The following COLEC12 variants were observed in gnomAD, a reference collection of about 807,000 sequenced individuals.
The protein encoded by COLEC12 is collectin-12.
Under a neutral mutation model 71.1 loss-of-function variants are expected in COLEC12, and 33 were observed. The observed-to-expected ratio is 0.46, with a 90% CI of 0.35 to 0.62. The LOEUF is 0.62. Among genes scored for constraint, COLEC12 ranks in the 20% least tolerant of loss-of-function variants. The pLI is 0.00. For missense variants in COLEC12, 765 were observed against 916.1 expected, an observed-to-expected ratio of 0.84 and a Z score of 2.13; for synonymous variants, 350 against 353.0, an observed-to-expected ratio of 0.99 and a Z score of 0.10.
At chr18:342,465 G>A (rs1914278093) in intron 5 of COLEC12, among the ~76,000 whole-genome samples, 1 of 152,202 alleles carries the variant, frequency 6.6e-6, no homozygotes, top group Non-Finnish European at 1.5e-5. Context: ...CATCAAGTGC[G>A]AGTCAACAGG....
intron 2 of COLEC12, among the ~76,000 whole-genome samples, chr18:410,176 T>G (rs1474435957): frequency 1.3e-5 from 2 of 152,218 alleles, no homozygotes; most frequent in African/African-American, 4.8e-5. Flanking sequence ...TGCAGGTGGT[T>G]TGGTATCCTT....
At chr18:384,372 AGTCTAAT>A (rs1915298682) in intron 2 of COLEC12, among the ~76,000 whole-genome samples, 1 of 152,146 alleles carries the variant, frequency 6.6e-6, no homozygotes, top group South Asian at 2.1e-4. Flanking sequence ...GATAGAGAGG[AGTCTAAT>A]GTTTGACATA....
chr18:425,304 T>A (rs556466894), intron 2 of COLEC12, among the ~76,000 whole-genome samples: 145 of 152,304 alleles, frequency 9.5e-4, no homozygotes, highest in Non-Finnish European at 1.8e-3. Context: ...CACGGGGTCA[T>A]GCCCCCGACC....
chr18:356,015 C>T (rs1914621880), intron 3 of COLEC12, among the ~76,000 whole-genome samples: 1 of 152,116 alleles, frequency 6.6e-6, no homozygotes, highest in Non-Finnish European at 1.5e-5. Context: ...ACTAATCAGC[C>T]AACACACTCA....
At chr18:404,859 C>A (rs566008620) in intron 2 of COLEC12, among the ~76,000 whole-genome samples, 19 of 152,276 alleles carry the variant, frequency 1.2e-4, no homozygotes, top group African/African-American at 4.6e-4. Flanking sequence ...GCAAGACAAC[C>A]ATAAGGTCTG....
chr18:340,302 G>A (rs1469097456), intron 5 of COLEC12, among the ~76,000 whole-genome samples: 2 of 152,078 alleles, frequency 1.3e-5, no homozygotes, highest in Non-Finnish European at 2.9e-5. Flanking sequence ...GGATACCCAC[G>A]CGGCTGGTAA....
intron 2 of COLEC12, among the ~76,000 whole-genome samples, chr18:453,278 AG>A (rs1916798057): frequency 6.6e-6 from 1 of 152,218 alleles, no homozygotes; most frequent in Admixed American, 6.5e-5. Context: ...ACTCCTGGCC[AG>A]GTTGGGGATT....
intron 2 of COLEC12, among the ~76,000 whole-genome samples, chr18:459,391 A>C (rs1408934579): frequency 1.3e-5 from 2 of 152,210 alleles, no homozygotes; most frequent in African/African-American, 4.8e-5. Flanking sequence ...CCATCAGAAA[A>C]GTCTACTTTT....
Position 346,558 on chromosome 18 carries a change from T to C in COLEC12, c.1064A>G (p.His355Arg), listed in dbSNP as rs1369450914. 6.2e-7 allele frequency: 1 copy of C among 1,614,206 alleles called. No homozygotes were observed. Among genetic ancestry groups the C allele is most frequent in the Non-Finnish European group, 8.5e-7 (1 of 1,180,020 alleles). Residue 355 changes from histidine (H) to arginine (R), a missense_variant, in exon 5 of 10, where the codon CAC (histidine) becomes CGC (arginine). By Grantham distance (29) the His-to-Arg change is conservative. Transcript: ENST00000400256. This position sits in a 1 kb window ranked among gnomAD's most constrained non-coding sequence, Gnocchi z 4.0. ...NIISNISYTA[H>R]HLRTLTSNLN... is the part of the protein sequence containing the mutation. ...ATTGCTGGTCAGCGTCCGCAGGTGG[T>C]GGGCTGTGTAACTGATATTGCTAAT...
intron 2 of COLEC12, among the ~76,000 whole-genome samples, chr18:374,869 C>G (rs551360638): frequency 6.6e-6 from 1 of 152,148 alleles, no homozygotes; most frequent in African/African-American, 2.4e-5. Flanking sequence ...ATCATCAAGA[C>G]GATCCAGTGC....
chr18:469,662 T>C (rs1917154982), intron 2 of COLEC12, among the ~76,000 whole-genome samples: 1 of 152,216 alleles, frequency 6.6e-6, no homozygotes, highest in African/African-American at 2.4e-5. Flanking sequence ...CCTGGGCTAA[T>C]GGACTCCCCC....
chr18:483,017 A>G (rs1321868347), intron 1 of COLEC12, among the ~76,000 whole-genome samples: 1 of 152,236 alleles, frequency 6.6e-6, no homozygotes, highest in Non-Finnish European at 1.5e-5. Context: ...CTGAACCTTG[A>G]AATGTTATGG....
At chr18:358,273 G>A (rs1400205795) in intron 2 of COLEC12, among the ~76,000 whole-genome samples, 2 of 152,218 alleles carry the variant, frequency 1.3e-5, no homozygotes, top group Non-Finnish European at 2.9e-5. Context: ...ATGGACCAGA[G>A]TAGGGGTAGG....
chr18:440,941 G>A (rs566319567), intron 2 of COLEC12, among the ~76,000 whole-genome samples: 3 of 152,202 alleles, frequency 2.0e-5, no homozygotes, highest in Admixed American at 1.3e-4. Flanking sequence ...TCCCTACAGC[G>A]GGGCTTAGTT....
chr18:390,905 C>T (rs11081073), intron 2 of COLEC12, among the ~76,000 whole-genome samples: 26,240 of 151,946 alleles, frequency 0.17, 2,555 homozygotes, highest in South Asian at 0.29. Context: ...GGCACAGGGA[C>T]ACTCCTTGCC....
chr18:391,540 C>T (rs1915464468), intron 2 of COLEC12, among the ~76,000 whole-genome samples: 1 of 152,110 alleles, frequency 6.6e-6, no homozygotes, highest in African/African-American at 2.4e-5. Flanking sequence ...TACTGAGCAC[C>T]TATGGCTCTC....
At chr18:473,408 G>A (rs144481546) in intron 2 of COLEC12, among the ~76,000 whole-genome samples, 5,614 of 152,070 alleles carry the variant, frequency 0.037, 182 homozygotes, top group Admixed American at 0.11. Flanking sequence ...TGTTGCCCAG[G>A]CTGGAGTTCA....
intron 3 of COLEC12, among the ~76,000 whole-genome samples, chr18:350,755 C>G (rs1334631966): frequency 2.0e-5 from 3 of 151,898 alleles, no homozygotes; most frequent in Non-Finnish European, 1.5e-5. Context: ...TGGTGAAACC[C>G]CATCTCTACT....
chr18:435,350 G>A lies in COLEC12; in HGVS notation c.58+45357C>T, dbSNP rs571254742. 1.4e-4 allele frequency among the ~76,000 whole-genome samples: 21 copies of A among 152,320 alleles called. No individual in the cohort carries two copies. In the South Asian group the frequency reaches 4.3e-3, roughly 32 times the overall value. The stretch of plus-strand genomic sequence containing the variant: ...CAATCATGGCAGAAGGCAAAGAAGA[G>A]GCAGGCACCTTCTTCAAAGGTGGCA... On this transcript the variant is annotated intron_variant, in intron 2 of 9. Coordinates refer to ENST00000400256, the MANE Select transcript of COLEC12 (RefSeq NM_130386.3).
Sources: gnomAD v4.1 joint callset for allele counts (sites outside exome capture counted in the v4.1 genomes callset) on GRCh38, gnomAD v4.1.1 for gene constraint, Gnocchi (gnomAD v3.1) non-coding constraint, MANE v1.5 for transcripts, NCBI Gene and HGNC (gene_info 2026-07-23, HGNC 2026-07-21) for gene names.